NRXN1: variants seen among roughly 807,000 people sequenced by gnomAD.
NRXN1 encodes neurexin 1.
NRXN1 carries 39 observed loss-of-function variants against 150.9 expected under a neutral mutation model. The ratio of observed to expected loss-of-function variants is 0.26; its 90% CI spans 0.20 to 0.34. NRXN1 has a LOEUF of 0.34. Among genes scored for constraint, NRXN1 ranks in the 10% least tolerant of loss-of-function variants. The pLI, the probability that NRXN1 is intolerant of heterozygous loss-of-function variation, is 1.00. For synonymous variants in NRXN1, 924 were observed against 757.0 expected (o/e 1.22, Z -3.62); for missense variants, 1,815 against 1,949.9 (o/e 0.93, Z 1.30).
chr2:50,610,638 G>GATATATATATATATATATAT (rs1573776539), intron 8 of NRXN1, among the ~76,000 whole-genome samples: 2 of 29,552 alleles, frequency 6.8e-5, no homozygotes, highest in African/African-American at 1.2e-4. Context: ...ACTATAAATA[G>GATATATATATATATATATAT]ATACATATAT....
At chr2:50,910,013 A>ATT (rs149644517) in intron 5 of NRXN1, among the ~76,000 whole-genome samples, 6 of 149,998 alleles carry the variant, frequency 4.0e-5, no homozygotes, top group East Asian at 3.9e-4. Context: ...AGCCTCAGCT[A>ATT]TTTTTTTTTT....
At chr2:51,023,625 AT>A (rs1449539790) in intron 2 of NRXN1, among the ~76,000 whole-genome samples, 1 of 152,136 alleles carries the variant, frequency 6.6e-6, no homozygotes, top group African/African-American at 2.4e-5. Context: ...TTTAAGCTTC[AT>A]TTTTTTAAAG....
intron 2 of NRXN1, among the ~76,000 whole-genome samples, chr2:50,932,573 C>T (rs900384028): frequency 3.9e-5 from 6 of 151,982 alleles, no homozygotes; most frequent in African/African-American, 1.4e-4. Flanking sequence ...ACTCTGGGGA[C>T]TCAAGGGAAA....
chr2:50,803,980 A>G (rs535686505), intron 5 of NRXN1, among the ~76,000 whole-genome samples: 1 of 152,204 alleles, frequency 6.6e-6, no homozygotes, highest in South Asian at 2.1e-4. Context: ...TTTTCCTTCA[A>G]ATTCTCTCTG....
At chr2:50,527,787 T>A (rs1441410278) in intron 12 of NRXN1, among the ~76,000 whole-genome samples, 4 of 152,232 alleles carry the variant, frequency 2.6e-5, no homozygotes, top group Non-Finnish European at 5.9e-5. Flanking sequence ...TAGAAAAAAA[T>A]TCTTTACTGT....
chr2:50,945,600 A>G lies in NRXN1; in HGVS notation c.773-19645T>C, dbSNP rs148965163. ...ATGAGCCAGATTTGGCCTATACACC[A>G]TAGTTTGTTTAACCCTGAGCCATAG... On this transcript the variant is annotated intron_variant, in intron 2 of 22. Coordinates refer to ENST00000401669, the MANE Select transcript of NRXN1 (RefSeq NM_001330078.2). 5.1e-3 allele frequency among the ~76,000 whole-genome samples: 771 copies of G among 151,980 alleles called. 6 individuals are homozygous for G. Among genetic ancestry groups the G allele is most frequent in the African/African-American group, 0.018 (734 of 41,450 alleles).
In NRXN1 at chr2:50,419,000, T is replaced by C. The variant is rs2083765359; in HGVS notation, c.3364+46442A>G. ...AGTTACAAAAATCTTTGACTCTCCT[T>C]TGAATATTTTCAAATCAATTCCATA... On this transcript the variant is annotated intron_variant, in intron 17 of 22. Transcript: ENST00000401669. 1.3e-5 allele frequency among the ~76,000 whole-genome samples: 2 copies of C among 152,092 alleles called. 1 individual carries two copies. Among genetic ancestry groups the C allele is most frequent in the African/African-American group, 4.8e-5 (2 of 41,446 alleles).
intron 8 of NRXN1, among the ~76,000 whole-genome samples, chr2:50,564,746 G>A (rs1195045832): frequency 6.6e-6 from 1 of 152,146 alleles, no homozygotes; most frequent in Non-Finnish European, 1.5e-5. Context: ...GAGACCCCAG[G>A]TTGAGAACTG....
intron 21 of NRXN1, among the ~76,000 whole-genome samples, chr2:50,037,903 A>G (rs1395950394): frequency 1.3e-5 from 2 of 152,196 alleles, no homozygotes; most frequent in East Asian, 3.8e-4. Flanking sequence ...TGTTTTTTTC[A>G]TATTTCAGAA....
At chr2:50,713,630 A>G (rs940080021) in intron 5 of NRXN1, among the ~76,000 whole-genome samples, 1 of 152,174 alleles carries the variant, frequency 6.6e-6, no homozygotes, top group African/African-American at 2.4e-5. Context: ...CACTTGACAA[A>G]TCTATAAGGA....
At chr2:50,013,577 A>G (rs765251694) in intron 21 of NRXN1, among the ~76,000 whole-genome samples, 1 of 152,154 alleles carries the variant, frequency 6.6e-6, no homozygotes, top group South Asian at 2.1e-4. Flanking sequence ...GCTTCATTAC[A>G]TGTATTTATG....
intron 17 of NRXN1, among the ~76,000 whole-genome samples, chr2:50,396,318 G>A (rs1239387895): frequency 1.3e-5 from 2 of 152,134 alleles, no homozygotes; most frequent in Admixed American, 6.5e-5. Context: ...ACATGTGAAA[G>A]TTTCTTTGCT....
In NRXN1 at chr2:49,926,471, G is replaced by GCTAT. The variant is rs1669125867; in HGVS notation, c.4217-4224_4217-4221dup. Reference sequence around the variant, plus strand: ...ATTGTGGTAACTTCGGTAAACACGAGCTATCAAATGTTTGGACAGTTAGTA... The same window carrying GCTAT: ...ATTGTGGTAACTTCGGTAAACACGAGCTATCTATCAAATGTTTGGACAGTTAGTA... On this transcript the variant is annotated intron_variant, in intron 22 of 22. Coordinates refer to ENST00000401669, the MANE Select transcript of NRXN1 (RefSeq NM_001330078.2). 12 of 397,280 alleles carry GCTAT rather than the reference G, an allele frequency of 3.0e-5. No homozygotes were observed. The East Asian group carries it at 3.9e-4, about 13-fold the overall frequency. 24.6% of individuals were successfully genotyped at this position (397,280 alleles called of 1,614,324 possible). A position where few individuals can be genotyped will look rare whatever the true frequency, so the allele number is the denominator to read the frequency against.
At chr2:50,035,707 A>T (rs1689925517) in intron 21 of NRXN1, among the ~76,000 whole-genome samples, 1 of 152,154 alleles carries the variant, frequency 6.6e-6, no homozygotes, top group South Asian at 2.1e-4. Context: ...TAACAGACCC[A>T]CAGACACAGT....
intron 17 of NRXN1, among the ~76,000 whole-genome samples, chr2:50,434,044 T>TC (rs200736900): frequency 0.15 from 8,393 of 54,192 alleles, 1,720 homozygotes; most frequent in African/African-American, 0.45. Flanking sequence ...ATCTAAGCCA[T>TC]TTTTTTTTTT....
chr2:50,212,413 GC>G (rs906784499), intron 18 of NRXN1, among the ~76,000 whole-genome samples: 13 of 150,378 alleles, frequency 8.6e-5, no homozygotes, highest in Admixed American at 8.6e-4. Context: ...AATATTAAAG[GC>G]CTGTGTGTGA....
intron 19 of NRXN1, among the ~76,000 whole-genome samples, chr2:50,059,069 G>A (rs546995682): frequency 7.6e-4 from 115 of 152,296 alleles, no homozygotes; most frequent in African/African-American, 2.7e-3. Flanking sequence ...ACAGGCAGAG[G>A]ATGTAACAGT....
chr2:50,005,813 G>A (rs2152539118), intron 21 of NRXN1, among the ~76,000 whole-genome samples: 1 of 152,256 alleles, frequency 6.6e-6, no homozygotes. Context: ...CTTTGCTCAT[G>A]CTGAAGCCTC....
intron 22 of NRXN1, among the ~76,000 whole-genome samples, chr2:49,934,693 G>A (rs1670704114): frequency 6.6e-6 from 1 of 152,122 alleles, no homozygotes; most frequent in African/African-American, 2.4e-5. Flanking sequence ...GGGTAGGTGT[G>A]CCTGGTAAGT....
Sources: gnomAD v4.1 joint callset for allele counts (sites outside exome capture counted in the v4.1 genomes callset) on GRCh38, gnomAD v4.1.1 for gene constraint, MANE v1.5 for transcripts, NCBI Gene and HGNC (gene_info 2026-07-23, HGNC 2026-07-21) for gene names.